The following RALA variants were observed in gnomAD, a reference collection of about 807,000 sequenced individuals.
The protein encoded by RALA is ras-related protein Ral-A.
Under a neutral mutation model 24.0 loss-of-function variants are expected in RALA, and 5 were observed. The ratio of observed to expected loss-of-function variants is 0.21; its 90% CI spans 0.11 to 0.44. The LOEUF is 0.44. Among genes scored for constraint, RALA ranks in the 20% least tolerant of loss-of-function variants. The pLI is 0.99. For synonymous variants in RALA, 77 were observed against 83.8 expected (o/e 0.92, Z 0.44); for missense variants, 95 against 241.2 (o/e 0.39, Z 4.01).
chr7:39,676,696 G>T (rs1792492511), intron 1 of RALA, among the ~76,000 whole-genome samples: 1 of 152,174 alleles, frequency 6.6e-6, no homozygotes, highest in Non-Finnish European at 1.5e-5. Context: ...GATCATTGGG[G>T]TTTTTGTTTT....
intron 4 of RALA, chr7:39,703,240 A>G: frequency 6.6e-6 from 1 of 152,250 alleles, no homozygotes; most frequent in East Asian, 1.9e-4. Flanking sequence ...ACATTTAGTC[A>G]GAATCGAGAC....
At chr7:39,639,808 C>T (rs867256499) in intron 1 of RALA, among the ~76,000 whole-genome samples, 1 of 152,064 alleles carries the variant, frequency 6.6e-6, no homozygotes, top group African/African-American at 2.4e-5. Context: ...AACAGGACAC[C>T]GTCCTGTTGC....
At chr7:39,656,338 A>C (rs1201706273) in intron 1 of RALA, among the ~76,000 whole-genome samples, 1 of 152,230 alleles carries the variant, frequency 6.6e-6, no homozygotes, top group South Asian at 2.1e-4. Flanking sequence ...CTATTTCTCA[A>C]TTTAAAATCC....
At chr7:39,665,096 T>C (rs1792259876) in intron 1 of RALA, among the ~76,000 whole-genome samples, 1 of 152,178 alleles carries the variant, frequency 6.6e-6, no homozygotes, top group Admixed American at 6.6e-5. Flanking sequence ...AAAGTCTAAT[T>C]ACAATGCATT....
intron 1 of RALA, among the ~76,000 whole-genome samples, chr7:39,626,960 G>A (rs776429575): frequency 4.7e-5 from 7 of 148,164 alleles, no homozygotes; most frequent in African/African-American, 1.8e-4. Context: ...GTCTTGTAAG[G>A]GTTTAGCTGC....
intron 1 of RALA, among the ~76,000 whole-genome samples, chr7:39,637,615 G>A (rs536333063): frequency 3.3e-5 from 5 of 152,332 alleles, no homozygotes; most frequent in African/African-American, 7.2e-5. Flanking sequence ...AAAGATGACA[G>A]TATTTATACA....
At chr7:39,695,380 T>C (rs1179923992) in intron 3 of RALA, among the ~76,000 whole-genome samples, 1 of 152,088 alleles carries the variant, frequency 6.6e-6, no homozygotes, top group Non-Finnish European at 1.5e-5. Flanking sequence ...ATTTTAAATT[T>C]TGTTTTACTT....
intron 2 of RALA, among the ~76,000 whole-genome samples, chr7:39,687,765 T>G (rs1792734536): frequency 6.6e-6 from 1 of 152,220 alleles, no homozygotes; most frequent in Admixed American, 6.5e-5. Context: ...GTAACAATCT[T>G]GTGTGGGAGA....
intron 4 of RALA, among the ~76,000 whole-genome samples, chr7:39,703,980 A>G (rs915464461): frequency 2.0e-5 from 3 of 152,032 alleles, no homozygotes; most frequent in Non-Finnish European, 2.9e-5. Flanking sequence ...AGCCTGGCCA[A>G]CATGGCAAAA....
chr7:39,679,327 A>G (rs1039415454), intron 1 of RALA, among the ~76,000 whole-genome samples: 36 of 152,190 alleles, frequency 2.4e-4, no homozygotes, highest in African/African-American at 8.7e-4. Context: ...GATTTTAATT[A>G]CAACCCTTCA....
chr7:39,642,493 A>G (rs947496133), intron 1 of RALA, among the ~76,000 whole-genome samples: 1 of 152,144 alleles, frequency 6.6e-6, no homozygotes, highest in African/African-American at 2.4e-5. Context: ...TTGGTTTGCT[A>G]TCTCTCAGTT....
At chr7:39,645,665 T>TA (rs1354841471) in intron 1 of RALA, among the ~76,000 whole-genome samples, 1 of 152,228 alleles carries the variant, frequency 6.6e-6, no homozygotes. Flanking sequence ...AAACACCTAC[T>TA]ATGTGCCAGG....
At chr7:39,657,365 A>T (rs1792116572) in intron 1 of RALA, among the ~76,000 whole-genome samples, 3 of 152,178 alleles carry the variant, frequency 2.0e-5, no homozygotes, top group Non-Finnish European at 4.4e-5. Context: ...AAGGGTTTGG[A>T]TTATTTTAAG....
chr7:39,672,649 TA>T (rs35948897), intron 1 of RALA, among the ~76,000 whole-genome samples: 1,495 of 141,458 alleles, frequency 0.011, 21 homozygotes, highest in African/African-American at 0.03. Context: ...TATTCAGTCG[TA>T]AAAAAAAAAA....
At chr7:39,689,518 A>C (rs893967075) in intron 2 of RALA, among the ~76,000 whole-genome samples, 2 of 152,264 alleles carry the variant, frequency 1.3e-5, no homozygotes, top group Admixed American at 1.3e-4. Context: ...GACAAGATAC[A>C]GTCATAGCAA....
At chr7:39,675,650 C>G (rs1792471669) in intron 1 of RALA, among the ~76,000 whole-genome samples, 1 of 151,636 alleles carries the variant, frequency 6.6e-6, no homozygotes, top group African/African-American at 2.4e-5. Context: ...CACTTAAGCC[C>G]AGCAGGTCAA....
chr7:39,674,530 C>CA (rs1792445398), intron 1 of RALA, among the ~76,000 whole-genome samples: 1 of 152,082 alleles, frequency 6.6e-6, no homozygotes, highest in South Asian at 2.1e-4. Flanking sequence ...TCCAATCATT[C>CA]TATTTTGTCT....
At chr7:39,626,902 A>C (rs1342684785) in intron 1 of RALA, among the ~76,000 whole-genome samples, 1 of 152,192 alleles carries the variant, frequency 6.6e-6, no homozygotes, top group African/African-American at 2.4e-5. Context: ...GTTTGAGACC[A>C]TTAATCATTT....
At position 39,627,566 on chromosome 7, in the gene RALA, G is replaced by A. The variant is rs571300223; in HGVS notation, c.-38+3741G>A. On this transcript the variant is annotated intron_variant, in intron 1 of 4. Transcript: ENST00000005257. ...AGACATAGTTAGATTATAAAATGGC[G>A]TATACTCCCAGATTTATTGGGAAGG... 1.1e-4 allele frequency among the ~76,000 whole-genome samples: 17 copies of A among 152,258 alleles called. No homozygotes were observed. The South Asian group carries it at 1.5e-3, about 13-fold the overall frequency.
Sources: gnomAD v4.1 joint callset for allele counts (sites outside exome capture counted in the v4.1 genomes callset) on GRCh38, gnomAD v4.1.1 for gene constraint, MANE v1.5 for transcripts, NCBI Gene and HGNC (gene_info 2026-07-23, HGNC 2026-07-21) for gene names.